The following WWOX variants were observed in gnomAD, a reference collection of about 807,000 sequenced individuals.
WWOX encodes the protein WW domain-containing oxidoreductase.
A neutral mutation model predicts 46.2 loss-of-function variants in WWOX; 69 were observed. The ratio of observed to expected loss-of-function variants is 1.49; its 90% CI spans 1.23 to 1.82. The LOEUF is 1.82. Among genes scored for constraint, WWOX ranks in the 40% most tolerant of loss-of-function variants. WWOX has a pLI of 0.00. For missense variants in WWOX, 919 were observed against 542.6 expected (o/e 1.69, Z -6.89); for synonymous variants, 359 against 202.6 (o/e 1.77, Z -6.56).
At chr16:78,963,360 T>A (rs931008497) in intron 8 of WWOX, among the ~76,000 whole-genome samples, 4 of 152,094 alleles carry the variant, frequency 2.6e-5, no homozygotes, top group African/African-American at 4.8e-5. Context: ...TCCCAGCTAC[T>A]TGGGCAGCTG....
intron 8 of WWOX, among the ~76,000 whole-genome samples, chr16:78,764,184 A>G (rs1432461627): frequency 3.9e-5 from 6 of 152,054 alleles, no homozygotes; most frequent in African/African-American, 1.4e-4. Context: ...AGGGTGCCAT[A>G]TTGTTCTCAG....
At chr16:78,736,182 A>C (rs1261921930) in intron 8 of WWOX, among the ~76,000 whole-genome samples, 2 of 152,214 alleles carry the variant, frequency 1.3e-5, no homozygotes, top group East Asian at 3.9e-4. Flanking sequence ...GTCTGGCTTC[A>C]GGTTTATCCT....
intron 8 of WWOX, among the ~76,000 whole-genome samples, chr16:78,772,202 C>T (rs1225217350): frequency 6.6e-6 from 1 of 152,214 alleles, no homozygotes; most frequent in Admixed American, 6.5e-5. Context: ...TCTCCCTCTA[C>T]CCTCAGGCAG....
chr16:78,634,404 A>AT (rs2046513741), intron 8 of WWOX, among the ~76,000 whole-genome samples: 3 of 152,058 alleles, frequency 2.0e-5, no homozygotes, highest in Admixed American at 2.0e-4. Context: ...GAGCAAGTGG[A>AT]GCTGTTCAAA....
chr16:79,189,026 A>G (rs1395312173), intron 8 of WWOX, among the ~76,000 whole-genome samples: 5 of 152,330 alleles, frequency 3.3e-5, no homozygotes, highest in African/African-American at 1.2e-4. Flanking sequence ...GGAAGAGTTG[A>G]CAGAGATTTG....
At chr16:78,321,381 C>T (rs533946350) in intron 5 of WWOX, among the ~76,000 whole-genome samples, 9 of 68,800 alleles carry the variant, frequency 1.3e-4, no homozygotes, top group South Asian at 1.2e-3. Context: ...CGTATATATG[C>T]GTATATATAT....
At chr16:79,092,861 C>A (rs1002766596) in intron 8 of WWOX, among the ~76,000 whole-genome samples, 4 of 152,188 alleles carry the variant, frequency 2.6e-5, no homozygotes, top group Admixed American at 6.5e-5. Flanking sequence ...TCATAACCCC[C>A]CAGCTCCATA....
At chr16:78,678,491 C>T (rs1321664688) in intron 8 of WWOX, among the ~76,000 whole-genome samples, 2 of 152,134 alleles carry the variant, frequency 1.3e-5, no homozygotes, top group African/African-American at 2.4e-5. Flanking sequence ...TGTTCAGGGC[C>T]ACGTGCTGGT....
chr16:78,749,702 T>C (rs1377438075), intron 8 of WWOX, among the ~76,000 whole-genome samples: 1 of 152,194 alleles, frequency 6.6e-6, no homozygotes, highest in Admixed American at 6.5e-5. Context: ...TCATTTAATA[T>C]ATATCTGTGA....
intron 5 of WWOX, among the ~76,000 whole-genome samples, chr16:78,200,892 A>G (rs1447032190): frequency 2.0e-5 from 3 of 152,126 alleles, no homozygotes; most frequent in African/African-American, 7.2e-5. Flanking sequence ...TTTCATTTTT[A>G]TTTGTGAGAG....
intron 8 of WWOX, among the ~76,000 whole-genome samples, chr16:79,073,935 A>T (rs914001346): frequency 1.3e-5 from 2 of 152,052 alleles, no homozygotes; most frequent in Non-Finnish European, 2.9e-5. Context: ...AGCAATTCTC[A>T]ATGTTTTTTT....
intron 8 of WWOX, among the ~76,000 whole-genome samples, chr16:78,790,169 C>T (rs1250868778): frequency 6.6e-6 from 1 of 152,006 alleles, no homozygotes; most frequent in Non-Finnish European, 1.5e-5. Flanking sequence ...CAGGGTCTTG[C>T]TCTGTTGCCC....
At chr16:79,014,064 G>C (rs921510721) in intron 8 of WWOX, among the ~76,000 whole-genome samples, 21 of 152,194 alleles carry the variant, frequency 1.4e-4, no homozygotes, top group African/African-American at 4.8e-4. Flanking sequence ...GAGCCGCTGG[G>C]GAACTGAGCA....
intron 8 of WWOX, among the ~76,000 whole-genome samples, chr16:78,604,183 C>T (rs115586584): frequency 0.024 from 3,703 of 152,112 alleles, 164 homozygotes; most frequent in African/African-American, 0.085. Flanking sequence ...ATTTTGAAGA[C>T]ACAAATTCAG....
At chr16:79,126,478 GT>G (rs1303270210) in intron 8 of WWOX, among the ~76,000 whole-genome samples, 1 of 152,158 alleles carries the variant, frequency 6.6e-6, no homozygotes, top group Non-Finnish European at 1.5e-5. Flanking sequence ...CTTTGTAAGT[GT>G]TTGGTAGTTC....
At chr16:78,143,046 G>T (rs918565773) in intron 4 of WWOX, among the ~76,000 whole-genome samples, 2 of 152,168 alleles carry the variant, frequency 1.3e-5, no homozygotes, top group Non-Finnish European at 2.9e-5. Context: ...GGAGAGGCAG[G>T]ATGTAGTTTA....
At chr16:78,506,807 G>C (rs2085218394) in intron 8 of WWOX, among the ~76,000 whole-genome samples, 1 of 149,476 alleles carries the variant, frequency 6.7e-6, no homozygotes, top group Admixed American at 6.7e-5. Context: ...TCTGGCTCCA[G>C]GTTTAAGTGA....
intron 8 of WWOX, among the ~76,000 whole-genome samples, chr16:79,061,938 G>C (rs909129795): frequency 2.0e-5 from 3 of 152,228 alleles, no homozygotes; most frequent in African/African-American, 7.2e-5. Flanking sequence ...TATTGGGAAA[G>C]TGGGACTTCA....
At position 79,035,171 on chromosome 16, in the gene WWOX, T is replaced by C. The variant is rs143308234; in HGVS notation, c.1057-176437T>C. On this transcript the variant is annotated intron_variant, in intron 8 of 8. Coordinates refer to ENST00000566780, the MANE Select transcript of WWOX (RefSeq NM_016373.4). The stretch of plus-strand genomic sequence containing the variant: ...GACCGTCAGTATTTTCATTTTTGCA[T>C]GTGCCACTTTAATTTCCCTAGGCAA... Among the ~76,000 whole-genome samples, 1,281 of 152,362 alleles carry C rather than the reference T, an allele frequency of 8.4e-3. 13 individuals carry two copies. The highest frequency in any genetic ancestry group is 0.013 in the Non-Finnish European group (871 of 68,022).
Sources: gnomAD v4.1 joint callset for allele counts (sites outside exome capture counted in the v4.1 genomes callset) on GRCh38, gnomAD v4.1.1 for gene constraint, MANE v1.5 for transcripts, NCBI Gene and HGNC (gene_info 2026-07-23, HGNC 2026-07-21) for gene names.